Variants in DOCK3 observed in about 807,000 individuals in gnomAD.
The protein encoded by DOCK3 is dedicator of cytokinesis protein 3.
A neutral mutation model predicts 265.6 loss-of-function variants in DOCK3; 60 were observed. The observed-to-expected ratio is 0.23, with a 90% CI of 0.18 to 0.28. DOCK3 has a LOEUF of 0.28. Among genes scored for constraint, DOCK3 ranks in the 10% least tolerant of loss-of-function variants. The pLI is 1.00. For synonymous variants in DOCK3, 881 were observed against 938.0 expected (o/e 0.94, Z 1.11); for missense variants, 1,981 against 2,594.3 (o/e 0.76, Z 5.14).
intron 3 of DOCK3, among the ~76,000 whole-genome samples, chr3:50,857,835 G>A (rs1370008233): frequency 6.6e-6 from 1 of 152,204 alleles, no homozygotes; most frequent in Non-Finnish European, 1.5e-5. Flanking sequence ...TGGTGGGAGT[G>A]TAAACTAGTT....
At chr3:51,194,433 C>T (rs1269083997) in intron 12 of DOCK3, among the ~76,000 whole-genome samples, 1 of 152,182 alleles carries the variant, frequency 6.6e-6, no homozygotes, top group Non-Finnish European at 1.5e-5. Flanking sequence ...GTCTAAAGTG[C>T]AACTTAAAGC....
At chr3:50,993,350 A>G (rs2078175147) in intron 5 of DOCK3, among the ~76,000 whole-genome samples, 1 of 152,190 alleles carries the variant, frequency 6.6e-6, no homozygotes, top group Non-Finnish European at 1.5e-5. Flanking sequence ...ATTCCTTGCC[A>G]TCCTATTAAC....
rs1279755553 is a variant in DOCK3, at chr3:51,338,562, G to C, written c.3672+143G>C. The C allele has an allele frequency of 7.9e-6, 7 of 887,102 alleles. No individual in the cohort carries two copies. In the Admixed American group the frequency reaches 1.4e-4, roughly 18 times the overall value. 55.0% of individuals were successfully genotyped at this position (887,102 alleles called of 1,614,324 possible). On this transcript the variant is annotated intron_variant, in intron 36 of 52. Coordinates refer to ENST00000266037, the MANE Select transcript of DOCK3 (RefSeq NM_004947.5). The stretch of plus-strand genomic sequence containing the variant: ...CATCAGCTCTGTTACTGGTATCTTA[G>C]AGGCCTGCACTCCCCCAAACACATT...
intron 9 of DOCK3, among the ~76,000 whole-genome samples, chr3:51,107,804 G>C (rs539789528): frequency 1.3e-5 from 2 of 152,146 alleles, no homozygotes; most frequent in South Asian, 4.2e-4. Context: ...CCTAGCTAGA[G>C]GGCCAACATT....
rs915854517 is a variant in DOCK3, at chr3:51,383,575, G to A, written c.*2016G>A. The stretch of plus-strand genomic sequence containing the variant: ...CTACCTTCTCCACTTGGTGGCACAA[G>A]AGGTAGGGAGGGGAGTATGGGTTCA... On this transcript the variant is annotated 3_prime_UTR_variant, in exon 53 of 53. Transcript: ENST00000266037. 1.6e-4 allele frequency: 24 copies of A among 152,314 alleles called. No individual in the cohort carries two copies. Among genetic ancestry groups the A allele is most frequent in the African/African-American group, 5.5e-4 (23 of 41,454 alleles). 9.4% of individuals were successfully genotyped at this position (152,314 alleles called of 1,614,324 possible). A position where few individuals can be genotyped will look rare whatever the true frequency, so the allele number is the denominator to read the frequency against.
At chr3:51,045,706 C>T (rs1393943206) in intron 5 of DOCK3, among the ~76,000 whole-genome samples, 1 of 152,080 alleles carries the variant, frequency 6.6e-6, no homozygotes, top group African/African-American at 2.4e-5. Flanking sequence ...GGTCTTAATT[C>T]ATAGGATATC....
chr3:50,788,137 C>T (rs1022794408), intron 2 of DOCK3: 3 of 771,438 alleles, frequency 3.9e-6, no homozygotes, highest in South Asian at 3.7e-5. Flanking sequence ...CCCTTTGTTA[C>T]ACTTTGGTGG....
chr3:51,061,374 A>G (rs936176657), intron 5 of DOCK3, among the ~76,000 whole-genome samples: 2 of 152,210 alleles, frequency 1.3e-5, no homozygotes, highest in South Asian at 2.1e-4. Flanking sequence ...ATTGAATACA[A>G]TGCAGCCATA....
At chr3:50,992,601 AGTT>A (rs1455358149) in intron 5 of DOCK3, among the ~76,000 whole-genome samples, 1 of 152,162 alleles carries the variant, frequency 6.6e-6, no homozygotes, top group Non-Finnish European at 1.5e-5. Context: ...CCAGCCCAGG[AGTT>A]GTTTGTTTGT....
chr3:51,157,625 GCAAA>G (rs1334133566), intron 10 of DOCK3, among the ~76,000 whole-genome samples: 1 of 152,058 alleles, frequency 6.6e-6, no homozygotes, highest in Non-Finnish European at 1.5e-5. Flanking sequence ...CTAGGCTAAG[GCAAA>G]CAAAGCACAG....
chr3:50,818,896 T>C (rs929982985), intron 2 of DOCK3, among the ~76,000 whole-genome samples: 1 of 152,206 alleles, frequency 6.6e-6, no homozygotes. Context: ...AAGAGCCAAT[T>C]CAAGTAGGTA....
intron 23 of DOCK3, among the ~76,000 whole-genome samples, chr3:51,262,362 T>G (rs1282445652): frequency 6.6e-6 from 1 of 152,088 alleles, no homozygotes; most frequent in Non-Finnish European, 1.5e-5. Context: ...CAGAAAGGAA[T>G]AGCATCAACA....
chr3:50,939,375 A>C (rs1029385122), intron 5 of DOCK3, among the ~76,000 whole-genome samples: 5 of 152,134 alleles, frequency 3.3e-5, no homozygotes, highest in African/African-American at 1.2e-4. Context: ...TTCCTAATTC[A>C]TCTTATGAGG....
At chr3:51,112,453 G>A (rs1435588303) in intron 9 of DOCK3, among the ~76,000 whole-genome samples, 2 of 152,156 alleles carry the variant, frequency 1.3e-5, no homozygotes, top group Non-Finnish European at 2.9e-5. Flanking sequence ...TTTAGATGGT[G>A]GAATTAATTC....
chr3:50,761,565 G>A (rs1210420704), intron 1 of DOCK3, among the ~76,000 whole-genome samples: 2 of 152,154 alleles, frequency 1.3e-5, no homozygotes, highest in South Asian at 2.1e-4. Flanking sequence ...CTGGGAAGCC[G>A]TCAAAAGTGC....
At chr3:50,837,918 A>G (rs2045604524) in intron 2 of DOCK3, among the ~76,000 whole-genome samples, 1 of 152,204 alleles carries the variant, frequency 6.6e-6, no homozygotes, top group Non-Finnish European at 1.5e-5. Context: ...GGGGAGAAGC[A>G]GAGAGAGTGG....
intron 4 of DOCK3, among the ~76,000 whole-genome samples, chr3:50,922,506 G>T (rs1014943942): frequency 6.6e-6 from 1 of 152,298 alleles, no homozygotes; most frequent in Middle Eastern, 3.4e-3. Context: ...CGCTTCCCAC[G>T]TGGGGCAATG....
intron 1 of DOCK3, among the ~76,000 whole-genome samples, chr3:50,723,552 A>G (rs149485248): frequency 9.2e-5 from 14 of 152,264 alleles, no homozygotes; most frequent in African/African-American, 2.4e-4. Context: ...ACACATCTAC[A>G]ACCATCTGAT....
At chr3:51,081,059 TACTC>T (rs1244042594) in intron 7 of DOCK3, among the ~76,000 whole-genome samples, 2 of 152,218 alleles carry the variant, frequency 1.3e-5, no homozygotes, top group Non-Finnish European at 2.9e-5. Context: ...TGAACATTAA[TACTC>T]AATAATGATT....
Sources: gnomAD v4.1 joint callset for allele counts (sites outside exome capture counted in the v4.1 genomes callset) on GRCh38, gnomAD v4.1.1 for gene constraint, MANE v1.5 for transcripts, NCBI Gene and HGNC (gene_info 2026-07-23, HGNC 2026-07-21) for gene names.